CUEDC1: variants seen among roughly 807,000 people sequenced by gnomAD.
CUEDC1 encodes CUE domain containing 1, also known as CUE domain-containing protein 1.
A neutral mutation model predicts 43.7 loss-of-function variants in CUEDC1; 30 were observed. That is an observed-to-expected ratio of 0.69 (90% CI 0.51 to 0.93). The LOEUF is 0.93. CUEDC1 is among the 40% of genes least tolerant of loss of function. The pLI, the probability that CUEDC1 is intolerant of heterozygous loss-of-function variation, is 0.00. For missense variants in CUEDC1, 486 were observed against 549.0 expected, an observed-to-expected ratio of 0.89 and a Z score of 1.15; for synonymous variants, 223 against 223.6, an observed-to-expected ratio of 1.00 and a Z score of 0.02.
intron 3 of CUEDC1, among the ~76,000 whole-genome samples, chr17:57,877,884 CAA>C (rs59469013): frequency 1.3e-4 from 12 of 89,552 alleles, no homozygotes; most frequent in Non-Finnish European, 1.8e-4. Context: ...GACTCCGACT[CAA>C]AAAAAAAAAA....
intron 1 of CUEDC1, among the ~76,000 whole-genome samples, chr17:57,949,603 T>G (rs142901361): frequency 0.041 from 5,939 of 144,972 alleles, 163 homozygotes; most frequent in African/African-American, 0.071. Context: ...GGTAGGGTCT[T>G]GCTCTGACAC....
chr17:57,913,920 C>T (rs2074611134), intron 1 of CUEDC1, among the ~76,000 whole-genome samples: 1 of 151,194 alleles, frequency 6.6e-6, no homozygotes, highest in Non-Finnish European at 1.5e-5. Context: ...TAGATCTCCT[C>T]CTCCAGAAAG....
chr17:57,896,342 A>G (rs2074407701), intron 1 of CUEDC1, among the ~76,000 whole-genome samples: 1 of 152,198 alleles, frequency 6.6e-6, no homozygotes, highest in African/African-American at 2.4e-5. Flanking sequence ...ATGATACATT[A>G]TCAGCATCCT....
chr17:57,874,961 C>A (rs1325141409), intron 3 of CUEDC1, among the ~76,000 whole-genome samples: 7 of 152,138 alleles, frequency 4.6e-5, no homozygotes, highest in Admixed American at 4.6e-4. Flanking sequence ...CCAAGGGAAC[C>A]CCAGCACGCC....
chr17:57,867,979 G>A (rs552171270), intron 8 of CUEDC1, among the ~76,000 whole-genome samples, 171 bp downstream of exon 8: 9 of 152,290 alleles, frequency 5.9e-5, no homozygotes, highest in South Asian at 2.1e-4. Context: ...AACGAGAGAC[G>A]GGCAGTGGAC....
chr17:57,918,869 T>C (rs1231736069), intron 1 of CUEDC1, among the ~76,000 whole-genome samples: 2 of 152,270 alleles, frequency 1.3e-5, no homozygotes, highest in African/African-American at 4.8e-5. Flanking sequence ...TTTTTATTTT[T>C]CTGAGATGGA....
intron 1 of CUEDC1, among the ~76,000 whole-genome samples, chr17:57,912,740 C>T (rs1231001986): frequency 6.6e-6 from 1 of 152,224 alleles, no homozygotes; most frequent in Non-Finnish European, 1.5e-5. Context: ...AGGGAAGCTC[C>T]ATCAATGCCT....
Position 57,871,330 on chromosome 17 carries a change from C to T in CUEDC1, c.824G>A (p.Ser275Asn). Reference protein sequence around the residue: ...KYESQKSKSSSVAVGNDFGFS... With the variant: ...KYESQKSKSSNVAVGNDFGFS... ...GCCAAAGTCGTTTCCGACAGCCACGCTGCTGGATTTAGATTTCTGGGATTC... is the reference window on the plus strand; with the variant it reads ...GCCAAAGTCGTTTCCGACAGCCACGTTGCTGGATTTAGATTTCTGGGATTC... Residue 275 changes from serine (S) to asparagine (N), a missense_variant, in exon 6 of 11, where the codon AGC becomes AAC. Coordinates refer to ENST00000577830, the MANE Select transcript of CUEDC1 (RefSeq NM_001271875.2). 3 of 1,614,108 alleles carry T rather than the reference C, an allele frequency of 1.9e-6. No homozygotes were observed. The highest frequency in any genetic ancestry group is 2.5e-6 in the Non-Finnish European group (3 of 1,180,006).
rs2074273288 is a variant in CUEDC1, at chr17:57,885,341, C to T, written c.224G>A (p.Gly75Asp). Residue 75 changes from glycine to aspartate, a missense_variant, in exon 2 of 11, where the codon GGC becomes GAC. Transcript: ENST00000577830. ...IIECVLRANS[G>D]AVDATIDQLL... Reference sequence around the variant, plus strand: ...CTGGTCGATGGTGGCGTCCACAGCGCCGCTGTTGGCGCGCAGCACGCATTC... The same window carrying T: ...CTGGTCGATGGTGGCGTCCACAGCGTCGCTGTTGGCGCGCAGCACGCATTC... The T allele has an allele frequency of 6.2e-7, 1 of 1,612,156 alleles. No individual in the cohort carries two copies. The highest frequency in any genetic ancestry group is 8.5e-7 in the Non-Finnish European group (1 of 1,179,712).
chr17:57,912,088 G>C (rs1297457531), intron 1 of CUEDC1, among the ~76,000 whole-genome samples: 1 of 152,198 alleles, frequency 6.6e-6, no homozygotes, highest in African/African-American at 2.4e-5. Flanking sequence ...TACAGAAGGT[G>C]CTCTGTGAGG....
chr17:57,883,588 T>C (rs1231616612), intron 2 of CUEDC1, among the ~76,000 whole-genome samples: 1 of 152,106 alleles, frequency 6.6e-6, no homozygotes, highest in Non-Finnish European at 1.5e-5. Flanking sequence ...CCGGTCATGA[T>C]GGCACATGCA....
At position 57,863,829 on chromosome 17, in the gene CUEDC1, C is replaced by T. The variant is rs1351219406; in HGVS notation, c.*4-544G>A. On this transcript the variant is annotated intron_variant, in intron 10 of 10. Coordinates refer to ENST00000577830, the MANE Select transcript of CUEDC1 (RefSeq NM_001271875.2). ...CAGCCTAACCAGCATGGTGAAACCC[C>T]GTCTCTACTAAAAATACAAAAATTA... Among the ~76,000 whole-genome samples, 4 of 151,536 alleles carry T rather than the reference C, an allele frequency of 2.6e-5. No homozygotes were observed. The South Asian group carries it at 8.3e-4, about 32-fold the overall frequency.
In CUEDC1 at chr17:57,861,532, T is replaced by G. The variant is rs911657493; in HGVS notation, c.*1757A>C. The G allele has an allele frequency of 5.3e-5, 8 of 152,292 alleles. No individual in the cohort carries two copies. The highest frequency in any genetic ancestry group is 1.9e-4 in the African/African-American group (8 of 41,406). The allele number at this position is 152,292 out of a possible 1,614,324, so 9.4% of individuals were successfully genotyped here. A position where few individuals can be genotyped will look rare whatever the true frequency, so the allele number is the denominator to read the frequency against. On this transcript the variant is annotated 3_prime_UTR_variant, in exon 11 of 11. Transcript: ENST00000577830. ...ACGCGGGGCTCCTGGGGACAAACCC[T>G]GCCCCAGGCCGGGAGGGAGGAGGGA... is the stretch of plus-strand genomic sequence containing the variant.
At chr17:57,898,370 C>T (rs1294358411) in intron 1 of CUEDC1, among the ~76,000 whole-genome samples, 1 of 152,150 alleles carries the variant, frequency 6.6e-6, no homozygotes, top group Non-Finnish European at 1.5e-5. Context: ...AAGTTGTTTA[C>T]TGGTGCTATG....
rs146710128 is a variant in CUEDC1, at chr17:57,875,775, C to G, written c.465-2058G>C. On this transcript the variant is annotated intron_variant, in intron 3 of 10. Transcript: ENST00000577830. Reference sequence around the variant, plus strand: ...CCTCTGGACCCCAAAACTGCAACTTCAAGCCCCATCGGACCCCCAGGTTTA... The same window carrying G: ...CCTCTGGACCCCAAAACTGCAACTTGAAGCCCCATCGGACCCCCAGGTTTA... 4.5e-4 allele frequency among the ~76,000 whole-genome samples: 68 copies of G among 152,188 alleles called. 1 individual carries two copies. The East Asian group carries it at 0.013, about 29-fold the overall frequency.
intron 1 of CUEDC1, among the ~76,000 whole-genome samples, chr17:57,912,862 A>G (rs933697555): frequency 1.3e-5 from 2 of 152,072 alleles, no homozygotes; most frequent in African/African-American, 4.8e-5. Flanking sequence ...TTTCAGAGAC[A>G]GGGTCTCACT....
chr17:57,931,816 T>C (rs937712523), intron 1 of CUEDC1, among the ~76,000 whole-genome samples: 1 of 152,138 alleles, frequency 6.6e-6, no homozygotes, highest in Admixed American at 6.5e-5. Context: ...TCCTCTGGAT[T>C]GCAGAGGACT....
chr17:57,912,880 C>T (rs1402092003), intron 1 of CUEDC1, among the ~76,000 whole-genome samples: 1 of 152,054 alleles, frequency 6.6e-6, no homozygotes, highest in East Asian at 1.9e-4. Flanking sequence ...ACTCTGTCAC[C>T]TAGGCTGTAT....
intron 1 of CUEDC1, among the ~76,000 whole-genome samples, chr17:57,949,290 A>G (rs1237315412): frequency 6.6e-6 from 1 of 152,134 alleles, no homozygotes; most frequent in Non-Finnish European, 1.5e-5. Context: ...CCAGGCTAAC[A>G]TGTTTGTCTC....
Sources: gnomAD v4.1 joint callset for allele counts (sites outside exome capture counted in the v4.1 genomes callset) on GRCh38, gnomAD v4.1.1 for gene constraint, MANE v1.5 for transcripts, NCBI Gene and HGNC (gene_info 2026-07-23, HGNC 2026-07-21) for gene names.